The following STX8 variants were observed in gnomAD, a reference collection of about 807,000 sequenced individuals.
STX8 encodes syntaxin 8.
A neutral mutation model predicts 37.5 loss-of-function variants in STX8; 23 were observed. The ratio of observed to expected loss-of-function variants is 0.61; its 90% CI spans 0.44 to 0.87. The LOEUF (loss-of-function observed/expected upper bound fraction) is 0.87, where lower values mean the gene tolerates loss of function less well. Among genes scored for constraint, STX8 ranks in the 40% least tolerant of loss-of-function variants. The pLI is 0.00. For synonymous variants in STX8, 115 were observed against 99.1 expected (o/e 1.16, Z -0.95); for missense variants, 313 against 284.7 (o/e 1.10, Z -0.71).
rs559308743 is a variant in STX8 at position 9,351,323 on chromosome 17, A to C, written c.643+27229T>G. Reference sequence around the variant, plus strand: ...CAGGCGCGCACCACCACACCTGGCTAATTTTTTGTATTTTTAGTAGAGACA... The same window carrying C: ...CAGGCGCGCACCACCACACCTGGCTCATTTTTTGTATTTTTAGTAGAGACA... On this transcript the variant is annotated intron_variant, in intron 7 of 7. Transcript: ENST00000306357. 3.4e-4 allele frequency among the ~76,000 whole-genome samples: 52 copies of C among 151,368 alleles called. No individual in the cohort carries two copies. In the South Asian group the frequency reaches 0.011, roughly 31 times the overall value.
At chr17:9,337,004 T>C (rs1910159446) in intron 7 of STX8, among the ~76,000 whole-genome samples, 1 of 152,094 alleles carries the variant, frequency 6.6e-6, no homozygotes, top group African/African-American at 2.4e-5. Context: ...AATGAGGTAG[T>C]CCTAACAGCT....
At chr17:9,322,212 C>G (rs576113490) in intron 7 of STX8, among the ~76,000 whole-genome samples, 1 of 152,208 alleles carries the variant, frequency 6.6e-6, no homozygotes, top group African/African-American at 2.4e-5. Context: ...GGCGGGTTAG[C>G]GGTCATCTCA....
intron 6 of STX8, among the ~76,000 whole-genome samples, chr17:9,442,865 C>G (rs73973762): frequency 6.6e-6 from 1 of 152,062 alleles, no homozygotes; most frequent in Non-Finnish European, 1.5e-5. Flanking sequence ...CTCCTAAGAA[C>G]GTGTGAGATA....
chr17:9,293,794 G>GC, intron 7 of STX8, among the ~76,000 whole-genome samples: 1 of 148,910 alleles, frequency 6.7e-6, no homozygotes, highest in Non-Finnish European at 1.5e-5. Context: ...TGGAGTCTCT[G>GC]TCTGTCGCCC....
intron 6 of STX8, chr17:9,437,739 T>TCATACTCTCACTTTG (rs1357731990): frequency 6.6e-6 from 1 of 152,166 alleles, no homozygotes; most frequent in Non-Finnish European, 1.5e-5. Context: ...GCTTGCTAAT[T>TCATACTCTCACTTTG]CATACTCTCA....
intron 7 of STX8, among the ~76,000 whole-genome samples, chr17:9,369,765 T>G (rs1224248612): frequency 1.4e-5 from 2 of 146,182 alleles, no homozygotes; most frequent in African/African-American, 2.5e-5. Context: ...TGACGGCGAG[T>G]GCCTGTAGTC....
chr17:9,259,768 G>A (rs563686478), intron 7 of STX8, among the ~76,000 whole-genome samples: 14 of 152,306 alleles, frequency 9.2e-5, no homozygotes, highest in African/African-American at 3.4e-4. Context: ...CAGGCAGGAG[G>A]AGGAGAAGGT....
intron 6 of STX8, chr17:9,469,689 C>T (rs1315057112): frequency 6.6e-6 from 1 of 152,148 alleles, no homozygotes; most frequent in African/African-American, 2.4e-5. Context: ...AAAATGGCTA[C>T]TCTTGGGCTC....
chr17:9,557,863 T>C (rs1251197208), intron 2 of STX8, among the ~76,000 whole-genome samples: 1 of 152,188 alleles, frequency 6.6e-6, no homozygotes, highest in Non-Finnish European at 1.5e-5. Context: ...CCTATGTATC[T>C]ACCTTGGAAC....
intron 7 of STX8, among the ~76,000 whole-genome samples, chr17:9,327,726 A>G (rs1186357676): frequency 6.6e-6 from 1 of 152,082 alleles, no homozygotes; most frequent in Non-Finnish European, 1.5e-5. Flanking sequence ...CCCAAGCTGC[A>G]GTGCAGTGGT....
At chr17:9,445,816 A>T (rs1267819984) in intron 6 of STX8, among the ~76,000 whole-genome samples, 2 of 150,954 alleles carry the variant, frequency 1.3e-5, no homozygotes, top group Non-Finnish European at 2.9e-5. Flanking sequence ...TCCTTAAAGA[A>T]TATACATTTT....
At chr17:9,430,000 A>ATATATTC (rs1913870143) in intron 6 of STX8, among the ~76,000 whole-genome samples, 1 of 23,522 alleles carries the variant, frequency 4.3e-5, no homozygotes, top group Non-Finnish European at 6.9e-5. Flanking sequence ...TATATAATAT[A>ATATATTC]TATATTATAT....
intron 6 of STX8, among the ~76,000 whole-genome samples, chr17:9,420,920 G>C (rs997709533): frequency 6.6e-6 from 1 of 152,138 alleles, no homozygotes; most frequent in Non-Finnish European, 1.5e-5. Context: ...AAGTACATTA[G>C]GGGGTGGAAA....
At chr17:9,388,809 A>G (rs1912106600) in intron 6 of STX8, among the ~76,000 whole-genome samples, 1 of 135,720 alleles carries the variant, frequency 7.4e-6, no homozygotes, top group South Asian at 2.3e-4. Context: ...GTCTCAAAAA[A>G]AAGAAAAAAA....
chr17:9,256,382 T>A (rs1476173230), intron 7 of STX8, among the ~76,000 whole-genome samples: 1 of 152,156 alleles, frequency 6.6e-6, no homozygotes, highest in Non-Finnish European at 1.5e-5. Context: ...CTTTTCATCC[T>A]CTTCTCTTTC....
At chr17:9,261,019 G>C (rs995032783) in intron 7 of STX8, among the ~76,000 whole-genome samples, 2 of 152,154 alleles carry the variant, frequency 1.3e-5, no homozygotes, top group African/African-American at 2.4e-5. Context: ...TGGGGGTTGG[G>C]ATGAGAGAAA....
intron 3 of STX8, chr17:9,557,107 G>C (rs1051364863): frequency 2.6e-5 from 5 of 195,854 alleles, no homozygotes; most frequent in South Asian, 1.1e-4. Context: ...TGTTGGAGCA[G>C]TAGCTAGCCA....
At chr17:9,376,050 C>T (rs1294579233) in intron 7 of STX8, among the ~76,000 whole-genome samples, 1 of 152,090 alleles carries the variant, frequency 6.6e-6, no homozygotes, top group Non-Finnish European at 1.5e-5. Context: ...ACCAAATTCT[C>T]CGCTTTCTTA....
intron 6 of STX8, among the ~76,000 whole-genome samples, chr17:9,446,286 A>G (rs998598746): frequency 6.6e-6 from 1 of 152,228 alleles, no homozygotes; most frequent in African/African-American, 2.4e-5. Flanking sequence ...TTGCTGACTG[A>G]CTATTCATTG....
Sources: allele counts gnomAD v4.1 joint callset (sites outside exome capture counted in the v4.1 genomes callset), GRCh38; gene constraint gnomAD v4.1.1; transcripts MANE v1.5; gene names NCBI Gene and HGNC (gene_info 2026-07-23, HGNC 2026-07-21).